Variants in SLC9C1 observed in about 807,000 individuals in gnomAD.
SLC9C1 encodes sodium/hydrogen exchanger 10.
In SLC9C1, 97 loss-of-function variants were observed where a neutral mutation model predicts 140.9. The observed-to-expected ratio is 0.69, with a 90% CI of 0.58 to 0.82. The LOEUF is 0.82. Ranked by LOEUF, SLC9C1 falls within the 40% of genes least tolerant of loss-of-function variation. SLC9C1 has a pLI of 0.00. For missense variants in SLC9C1, 1,340 were observed against 1,389.3 expected (o/e 0.96, Z 0.56); for synonymous variants, 440 against 442.6 (o/e 0.99, Z 0.07).
chr3:112,236,850 T>A (rs1258336390), intron 12 of SLC9C1, among the ~76,000 whole-genome samples: 1 of 152,162 alleles, frequency 6.6e-6, no homozygotes, highest in Non-Finnish European at 1.5e-5. Flanking sequence ...TGATTTCTCT[T>A]CTTTTACATT....
chr3:112,219,714 G>A (rs752754147), intron 14 of SLC9C1, among the ~76,000 whole-genome samples: 3 of 152,080 alleles, frequency 2.0e-5, no homozygotes, highest in Non-Finnish European at 4.4e-5. Flanking sequence ...GAGTAGCTGG[G>A]ACTACAGGTG....
At chr3:112,257,310 T>A (rs2079635859) in intron 10 of SLC9C1, among the ~76,000 whole-genome samples, 1 of 152,130 alleles carries the variant, frequency 6.6e-6, no homozygotes, top group African/African-American at 2.4e-5. Flanking sequence ...CCAACAGGGC[T>A]ACAGTAATCA....
At position 112,204,348 on chromosome 3, in the gene SLC9C1, G is replaced by A; in HGVS notation, c.2042C>T (p.Ala681Val). ...FSHAWNIFEL[A>V]ITLIGILHVI... is the part of the protein sequence containing the mutation. The stretch of plus-strand genomic sequence containing the variant: ...ATGTAAGATGCCAATTAATGTAATT[G>A]CTAACTCGAATATGTTCCAGGCATG... The change falls in exon 17 of 29, where the codon GCA (alanine) becomes GTA (valine). Residue 681 changes from alanine to valine, a missense_variant. Transcript: ENST00000305815. 1 of 1,573,626 alleles carries A rather than the reference G, an allele frequency of 6.4e-7. No homozygotes were observed. The highest frequency in any genetic ancestry group is 2.4e-5 in the East Asian group (1 of 41,556).
chr3:112,217,450 G>A lies in SLC9C1; in HGVS notation c.1782C>T (p.Gly594=), dbSNP rs1259729855. 2 of 1,585,700 alleles carry A rather than the reference G, an allele frequency of 1.3e-6. No homozygotes were observed. The highest frequency in any genetic ancestry group is 2.4e-5 in the South Asian group (2 of 84,752). The change falls in exon 15 of 29, where the codon GGC becomes GGT. Residue 594 remains glycine (G), a synonymous_variant. Coordinates refer to ENST00000305815, the MANE Select transcript of SLC9C1 (RefSeq NM_183061.3). ...WVYNTRKEKE[G]PSKYFFFRIC... ...GGTTCAAAAGCACTTACTTTGATGG[G>A]CCCTCTTTTTCCTTTCTGGTATTAT...
chr3:112,180,722 T>A (rs2077423928), intron 21 of SLC9C1, 60 bp from the exon 22 acceptor site: 1 of 1,400,938 alleles, frequency 7.1e-7, no homozygotes, highest in East Asian at 2.3e-5. Context: ...GTTGGGAATG[T>A]TAAAATTTGC....
In SLC9C1 at chr3:112,189,913, C is replaced by T. The variant is rs372260273; in HGVS notation, c.2524-7655G>A. Among the ~76,000 whole-genome samples the T allele has an allele frequency of 1.0e-3, 153 of 152,198 alleles. 3 individuals are homozygous for T. In the East Asian group the frequency reaches 0.013, roughly 13 times the overall value. ...TTGTGTCCTCTTTTATTTTGTTGAG[C>T]AGTGGTTTGTAGTTCTCCTTGAAGA... On this transcript the variant is annotated intron_variant, in intron 20 of 28. Coordinates refer to ENST00000305815, the MANE Select transcript of SLC9C1 (RefSeq NM_183061.3).
intron 26 of SLC9C1, among the ~76,000 whole-genome samples, chr3:112,159,508 T>C (rs2075226191): frequency 6.6e-6 from 1 of 152,136 alleles, no homozygotes; most frequent in African/African-American, 2.4e-5. Context: ...GAATATTCCA[T>C]GTGCTGATAA....
At position 112,262,941 on chromosome 3, in the gene SLC9C1, C is replaced by T; in HGVS notation, c.1180G>A (p.Asp394Asn). 6.4e-7 allele frequency: 1 copy of T among 1,571,942 alleles called. No homozygotes were observed. The highest frequency in any genetic ancestry group is 8.6e-7 in the Non-Finnish European group (1 of 1,165,884). ...LAYSDLYFGS[D>N]KEKSQILFHG... ...TTCTTTACTTGAGATTTTTCTTTGT[C>T]AGATCCAAAATAAAGATCAGAGTAG... is the stretch of plus-strand genomic sequence containing the variant. Residue 394 changes from aspartate to asparagine, a missense_variant, in exon 10 of 29, where the codon GAC (aspartate) becomes AAC (asparagine). Physicochemically the swap from Asp to Asn is conservative, Grantham distance 23 (BLOSUM62 1). Coordinates refer to ENST00000305815, the MANE Select transcript of SLC9C1 (RefSeq NM_183061.3).
intron 20 of SLC9C1, among the ~76,000 whole-genome samples, chr3:112,195,870 A>G (rs1195474810): frequency 1.3e-5 from 2 of 152,186 alleles, no homozygotes; most frequent in Non-Finnish European, 2.9e-5. Context: ...TTTTATACTA[A>G]TAACTGTTTT....
intron 27 of SLC9C1, among the ~76,000 whole-genome samples, chr3:112,153,771 G>A (rs2075052413): frequency 6.6e-6 from 1 of 152,192 alleles, no homozygotes; most frequent in Non-Finnish European, 1.5e-5. Context: ...CTATTAAGTG[G>A]TAGAATCTGA....
chr3:112,257,555 T>C (rs373433863), intron 10 of SLC9C1, among the ~76,000 whole-genome samples: 1 of 152,186 alleles, frequency 6.6e-6, no homozygotes, highest in African/African-American at 2.4e-5. Context: ...CAACTCAAGA[T>C]AGATTAAAGA....
intron 11 of SLC9C1, 131 bp from the exon 12 acceptor site, chr3:112,240,137 A>T: frequency 1.2e-6 from 1 of 832,356 alleles, no homozygotes; most frequent in Non-Finnish European, 1.8e-6. Context: ...CTGTTTAATA[A>T]TGGGAATACT....
chr3:112,192,970 G>A (rs982910822), intron 20 of SLC9C1, among the ~76,000 whole-genome samples: 2 of 152,152 alleles, frequency 1.3e-5, no homozygotes, highest in Non-Finnish European at 2.9e-5. Flanking sequence ...ATTTTATGAA[G>A]TAGGTTTCAT....
chr3:112,150,185 A>T (rs1366050023), intron 28 of SLC9C1, among the ~76,000 whole-genome samples: 4 of 152,182 alleles, frequency 2.6e-5, no homozygotes, highest in African/African-American at 9.7e-5. Flanking sequence ...TGAGACTAAA[A>T]TGCCTGTATA....
intron 2 of SLC9C1, 106 bp from the exon 3 acceptor site, chr3:112,280,889 A>ACTTGTTTTCT (rs59138652): frequency 0.61 from 580,622 of 954,198 alleles, 182,257 homozygotes; most frequent in East Asian, 0.78. Flanking sequence ...CAGTTTCACT[A>ACTTGTTTTCT]CTTTTCATGA....
At chr3:112,245,867 T>A (rs1015565889) in intron 10 of SLC9C1, among the ~76,000 whole-genome samples, 1 of 152,154 alleles carries the variant, frequency 6.6e-6, no homozygotes, top group African/African-American at 2.4e-5. Flanking sequence ...AACAATGCCA[T>A]GTTGTTTTCA....
chr3:112,263,082 A>G lies in SLC9C1; in HGVS notation c.1039T>C (p.Leu347=), dbSNP rs749723063. ...ACTCGAGACAAAACAGGGCTTATTA[A>G]AAGAAGGGTCAGAAATCTAAAAGAC... is the stretch of plus-strand genomic sequence containing the variant. ...LIVLRFLTLL[L]ISPVLSRVGH... The change falls in exon 10 of 29, where the codon TTA becomes CTA. Residue 347 remains leucine (L), a synonymous_variant. Transcript: ENST00000305815. 2 of 1,568,428 alleles carry G rather than the reference A, an allele frequency of 1.3e-6. No homozygotes were observed. Among genetic ancestry groups the G allele is most frequent in the East Asian group, 2.3e-5 (1 of 43,128 alleles).
At chr3:112,161,390 T>G (rs1462202625) in intron 26 of SLC9C1, among the ~76,000 whole-genome samples, 1 of 152,204 alleles carries the variant, frequency 6.6e-6, no homozygotes, top group Non-Finnish European at 1.5e-5. Context: ...CTTCTAGGGT[T>G]TTTATGGTTT....
intron 15 of SLC9C1, among the ~76,000 whole-genome samples, chr3:112,215,618 G>C (rs1303133257): frequency 1.3e-5 from 2 of 151,974 alleles, no homozygotes; most frequent in South Asian, 2.1e-4. Context: ...GCTTCAAAGA[G>C]AATGAAATAC....
Sources: gnomAD v4.1 joint callset for allele counts (sites outside exome capture counted in the v4.1 genomes callset) on GRCh38, gnomAD v4.1.1 for gene constraint, MANE v1.5 for transcripts, NCBI Gene and HGNC (gene_info 2026-07-23, HGNC 2026-07-21) for gene names.